The following KLF11 variants were observed in gnomAD, a reference collection of about 807,000 sequenced individuals.
KLF11 encodes the protein Krueppel-like factor 11.
In KLF11, 26 loss-of-function variants were observed where a neutral mutation model predicts 29.9. The observed-to-expected ratio is 0.87, with a 90% confidence interval of 0.64 to 1.21. The LOEUF (loss-of-function observed/expected upper bound fraction) is 1.21, where lower values mean the gene tolerates loss of function less well. Among genes scored for constraint, KLF11 ranks in the 50% most tolerant of loss-of-function variants. The pLI, the probability that KLF11 is intolerant of heterozygous loss-of-function variation, is 0.00. For missense variants in KLF11, 778 were observed against 665.7 expected (o/e 1.17, Z -1.86); for synonymous variants, 318 against 257.4 (o/e 1.24, Z -2.25).
chr2:10,048,685 T>TGA (rs1661312201), intron 3 of KLF11, 90 bp downstream of exon 3: 5 of 956,620 alleles, frequency 5.2e-6, no homozygotes, highest in Non-Finnish European at 8.3e-6. Flanking sequence ...GAGGGGATCA[T>TGA]GAGAACCCCT....
intron 1 of KLF11, chr2:10,044,371 GGTAGCC>G: frequency 4.1e-6 from 4 of 985,720 alleles, no homozygotes; most frequent in Admixed American, 6.1e-5. Context: ...GCTTCGGGGA[GGTAGCC>G]GTGGACGTGG....
Position 10,048,072 on chromosome 2 carries a change from CAAAG to C in KLF11, c.736_739del (p.Lys246AlafsTer29). 2.5e-6 allele frequency: 4 copies of C among 1,614,212 alleles called. No individual in the cohort carries two copies. Among genetic ancestry groups the C allele is most frequent in the Non-Finnish European group, 3.4e-6 (4 of 1,180,038 alleles). On this transcript the variant is annotated frameshift_variant, in exon 3 of 4. Transcript: ENST00000305883. LOFTEE classifies it high-confidence loss of function. ...AGTCTGGTGGCCTGCTGCTCACTGA[CAAAG>C]GCCAGCAGGCAGGGTGGCCTGGTGC...
intron 1 of KLF11, among the ~76,000 whole-genome samples, chr2:10,045,594 C>G (rs992643729): frequency 5.3e-5 from 8 of 152,380 alleles, no homozygotes; most frequent in African/African-American, 1.9e-4. Context: ...ATGACTTCCA[C>G]TCCCGAATCT....
intron 3 of KLF11, among the ~76,000 whole-genome samples, chr2:10,051,098 C>T (rs1199721204): frequency 1.3e-5 from 2 of 151,224 alleles, no homozygotes; most frequent in African/African-American, 4.9e-5. Flanking sequence ...TTAGTAGATA[C>T]GGGGTTTCAC....
At chr2:10,047,285 G>A (rs1343568537) in intron 2 of KLF11, among the ~76,000 whole-genome samples, 1 of 152,232 alleles carries the variant, frequency 6.6e-6, no homozygotes, top group African/African-American at 2.4e-5. Context: ...AACAGAAGTG[G>A]AAATTGTGAT....
At chr2:10,044,240 G>T (rs910864514) in intron 1 of KLF11, 7 of 977,138 alleles carry the variant, frequency 7.2e-6, no homozygotes, top group Non-Finnish European at 8.5e-6. Context: ...GGCGGGCAAG[G>T]TCTAGGGGCC....
rs1190569850 is a variant in KLF11, at chr2:10,053,382, T to G, written c.*875T>G. On this transcript the variant is annotated 3_prime_UTR_variant, in exon 4 of 4. Transcript: ENST00000305883. ...AAACACCAAAAAAGAAACACTCAAA[T>G]CCAGCTGCTTTGTCAATTGTCAGTT... 7.5e-6 allele frequency: 3 copies of G among 398,536 alleles called. No homozygotes were observed. Among genetic ancestry groups the G allele is most frequent in the Non-Finnish European group, 1.3e-5 (3 of 226,098 alleles). The allele number at this position is 398,536 out of a possible 1,614,324, so 24.7% of individuals were successfully genotyped here. A position where few individuals can be genotyped will look rare whatever the true frequency, so the allele number is the denominator to read the frequency against.
Position 10,048,584 on chromosome 2 carries a change from G to T in KLF11, c.1247G>T (p.Arg416Leu), listed in dbSNP as rs752934992. ...FKSSHLKAHL[R>L]THTGEKPFNC... ...AGTTCCCACCTTAAGGCCCATCTTC[G>T]CACTCACACAGGTAAGCGCTGGGGC... The change falls in exon 3 of 4, where the codon CGC (arginine) becomes CTC (leucine). Residue 416 changes from arginine (R) to leucine (L), a missense_variant. Transcript: ENST00000305883. 1 of 1,601,974 alleles carries T rather than the reference G, an allele frequency of 6.2e-7. No homozygotes were observed. Among genetic ancestry groups the T allele is most frequent in the African/African-American group, 1.3e-5 (1 of 75,030 alleles).
intron 1 of KLF11, chr2:10,044,452 G>A: frequency 1.0e-6 from 1 of 985,460 alleles, no homozygotes; most frequent in Non-Finnish European, 1.2e-6. Flanking sequence ...CGCCCGTGTG[G>A]TGAGTCGGCC....
Position 10,043,771 on chromosome 2 carries a change from G to GCTGCCGCGGCGGGA in KLF11, c.42+16_42+29dup, listed in dbSNP as rs764193904. The stretch of plus-strand genomic sequence containing the variant: ...CGACGCGCGCGCAGTGAGTGGTGGG[G>GCTGCCGCGGCGGGA]CTGCCGCGGCGGGACTACTCGTCTG... On this transcript the variant is annotated intron_variant, in intron 1 of 3. Transcript: ENST00000305883. 818 of 1,373,032 alleles carry GCTGCCGCGGCGGGA rather than the reference G, an allele frequency of 6.0e-4. No individual in the cohort carries two copies. The highest frequency in any genetic ancestry group is 6.8e-4 in the Non-Finnish European group (709 of 1,046,226). 85.1% of individuals were successfully genotyped at this position (1,373,032 alleles called of 1,614,324 possible).
At position 10,052,302 on chromosome 2, in the gene KLF11, G is replaced by A. The variant is rs775826346; in HGVS notation, c.1334G>A (p.Arg445His). 7.4e-6 allele frequency: 12 copies of A among 1,614,148 alleles called. 1 individual carries two copies. The highest frequency in any genetic ancestry group is 5.5e-5 in the South Asian group (5 of 91,068). The change falls in exon 4 of 4, where the codon CGC (arginine) becomes CAC (histidine). Residue 445 changes from arginine to histidine, a missense_variant. By Grantham distance (29) the Arg-to-His change is conservative. Coordinates refer to ENST00000305883, the MANE Select transcript of KLF11 (RefSeq NM_003597.5). ...FARSDELSRH[R>H]RTHTGEKKFV... is the part of the protein sequence containing the mutation. ...CGTTCGGATGAGCTGTCACGCCACC[G>A]CAGAACTCACACAGGGGAGAAGAAG...
In KLF11 at chr2:10,045,486, C is replaced by G. The variant is rs562758413; in HGVS notation, c.43-664C>G. Among the ~76,000 whole-genome samples, 3 of 151,886 alleles carry G rather than the reference C, an allele frequency of 2.0e-5. No homozygotes were observed. The East Asian group carries it at 5.9e-4, about 30-fold the overall frequency. Reference sequence around the variant, plus strand: ...CACTCCAGCCTGGGCAACTGAGACTCCATCTCAAAAAGAAAAAAAAAACTG... The same window carrying G: ...CACTCCAGCCTGGGCAACTGAGACTGCATCTCAAAAAGAAAAAAAAAACTG... On this transcript the variant is annotated intron_variant, in intron 1 of 3. Transcript: ENST00000305883.
rs536698614 is a variant in KLF11 at position 10,046,310 on chromosome 2, G to A, written c.203G>A (p.Arg68Gln). Reference sequence around the variant, plus strand: ...AGATCCCAGAAAGGTGACCTGTTGCGGATAAGACCCCTCACGCCTGTCTCT... The same window carrying A: ...AGATCCCAGAAAGGTGACCTGTTGCAGATAAGACCCCTCACGCCTGTCTCT... ...GQRSQKGDLL[R>Q]IRPLTPVSDS... Residue 68 changes from arginine to glutamine, a missense_variant, in exon 2 of 4, where the codon CGG becomes CAG. Arg to Gln is a conservative substitution (Grantham distance 43, BLOSUM62 1). Transcript: ENST00000305883. 56 of 1,614,104 alleles carry A rather than the reference G, an allele frequency of 3.5e-5. 1 individual carries two copies. Among genetic ancestry groups the A allele is most frequent in the South Asian group, 3.2e-4 (29 of 91,068 alleles).
chr2:10,049,086 A>G (rs191321557), intron 3 of KLF11, among the ~76,000 whole-genome samples: 97 of 152,242 alleles, frequency 6.4e-4, no homozygotes, highest in African/African-American at 2.3e-3. Context: ...GTAGTTTTTA[A>G]TTTAAAGTAA....
In KLF11 at chr2:10,052,743, G is replaced by A; in HGVS notation, c.*236G>A. The A allele has an allele frequency of 2.1e-6, 1 of 485,890 alleles. No individual in the cohort carries two copies. Among genetic ancestry groups the A allele is most frequent in the South Asian group, 3.5e-5 (1 of 28,978 alleles). 30.1% of individuals were successfully genotyped at this position (485,890 alleles called of 1,614,324 possible). On this transcript the variant is annotated 3_prime_UTR_variant, in exon 4 of 4. Coordinates refer to ENST00000305883, the MANE Select transcript of KLF11 (RefSeq NM_003597.5). ...GTTTTGGTTTTTTTTTTAAAGAAATGGTAGAAAATTTGATAATCTGAATCA... is the reference window on the plus strand; with the variant it reads ...GTTTTGGTTTTTTTTTTAAAGAAATAGTAGAAAATTTGATAATCTGAATCA...
chr2:10,044,421 T>TG (rs2125275318), intron 1 of KLF11: 1 of 985,478 alleles, frequency 1.0e-6, no homozygotes, highest in South Asian at 4.7e-5. Flanking sequence ...GCGGGCACTG[T>TG]GGGCCGGGCG....
intron 2 of KLF11, 110 bp downstream of exon 2, chr2:10,046,529 G>C (rs1280493623): frequency 8.2e-7 from 1 of 1,215,660 alleles, no homozygotes; most frequent in African/African-American, 1.5e-5. Flanking sequence ...CAAATAAGTT[G>C]CGTATCCTCT....
At position 10,052,954 on chromosome 2, in the gene KLF11, A is replaced by G; in HGVS notation, c.*447A>G. 1 of 342,032 alleles carries G rather than the reference A, an allele frequency of 2.9e-6. No homozygotes were observed. Among genetic ancestry groups the G allele is most frequent in the Non-Finnish European group, 5.2e-6 (1 of 191,530 alleles). The allele number at this position is 342,032 out of a possible 1,614,324, so 21.2% of individuals were successfully genotyped here. A position where few individuals can be genotyped will look rare whatever the true frequency, so the allele number is the denominator to read the frequency against. ...TAGATCATTTTGCAGCCTTCTTTTC[A>G]GTGTTTAATAACAAAGTTTTTCCTA... On this transcript the variant is annotated 3_prime_UTR_variant, in exon 4 of 4. Coordinates refer to ENST00000305883, the MANE Select transcript of KLF11 (RefSeq NM_003597.5).
rs557801682 is a variant in KLF11 at position 10,052,949 on chromosome 2, T to G, written c.*442T>G. The G allele has an allele frequency of 3.0e-6, 1 of 338,800 alleles. No homozygotes were observed. 21.0% of individuals were successfully genotyped at this position (338,800 alleles called of 1,614,324 possible). A position where few individuals can be genotyped will look rare whatever the true frequency, so the allele number is the denominator to read the frequency against. On this transcript the variant is annotated 3_prime_UTR_variant, in exon 4 of 4. Coordinates refer to ENST00000305883, the MANE Select transcript of KLF11 (RefSeq NM_003597.5). ...CTAGCTAGATCATTTTGCAGCCTTC[T>G]TTTCAGTGTTTAATAACAAAGTTTT...
Sources: gnomAD v4.1 joint callset for allele counts (sites outside exome capture counted in the v4.1 genomes callset) on GRCh38, gnomAD v4.1.1 for gene constraint, MANE v1.5 for transcripts, NCBI Gene and HGNC (gene_info 2026-07-23, HGNC 2026-07-21) for gene names.